The following PPWD1 variants were observed in gnomAD, a reference collection of about 807,000 sequenced individuals.
PPWD1 encodes peptidylprolyl isomerase domain and WD repeat-containing protein 1.
Under a neutral mutation model 68.8 loss-of-function variants are expected in PPWD1, and 43 were observed. The ratio of observed to expected loss-of-function variants is 0.62; its 90% confidence interval spans 0.49 to 0.81. PPWD1 has a LOEUF of 0.81. Ranked by LOEUF, PPWD1 falls within the 30% of genes least tolerant of loss-of-function variation. The probability of loss-of-function intolerance (pLI) is 0.00; values close to 1 mark genes in which losing one functional copy is unlikely to be tolerated. For synonymous variants in PPWD1, 232 were observed against 258.7 expected, an observed-to-expected ratio of 0.90 and a Z score of 0.99; for missense variants, 672 against 804.8, an observed-to-expected ratio of 0.83 and a Z score of 2.00.
At chr5:65,579,379 T>C (rs372108203) in intron 6 of PPWD1, 45 bp from the exon 7 acceptor site, 1 of 1,414,104 alleles carries the variant, frequency 7.1e-7, no homozygotes, top group African/African-American at 1.5e-5. Flanking sequence ...ATAATTGGAA[T>C]TAACTTCGGT....
Position 65,563,514 on chromosome 5 carries a change from C to G in PPWD1, c.196+8C>G. 1 of 1,607,760 alleles carries G rather than the reference C, an allele frequency of 6.2e-7. No homozygotes were observed. The highest frequency in any genetic ancestry group is 8.5e-7 in the Non-Finnish European group (1 of 1,177,156). Reference sequence around the variant, plus strand: ...TGGCCAAGAAGAGGAAAGGTAGCTGCAGACATAGTACCGGGACGAATTGGA... The same window carrying G: ...TGGCCAAGAAGAGGAAAGGTAGCTGGAGACATAGTACCGGGACGAATTGGA... On this transcript the variant is annotated splice_region_variant and intron_variant, in intron 1 of 10. Coordinates refer to ENST00000261308, the MANE Select transcript of PPWD1 (RefSeq NM_015342.4).
chr5:65,564,928 G>A (rs1229264470), intron 1 of PPWD1, among the ~76,000 whole-genome samples: 2 of 152,068 alleles, frequency 1.3e-5, no homozygotes, highest in African/African-American at 4.8e-5. Flanking sequence ...AGTCTGGACT[G>A]GATTTCTGAA....
intron 10 of PPWD1, 29 bp from the exon 11 acceptor site, chr5:65,587,224 C>A: frequency 6.4e-7 from 1 of 1,573,332 alleles, no homozygotes; most frequent in South Asian, 1.2e-5. Context: ...TGGGGTTTAC[C>A]AAGATTTTCC....
At position 65,583,091 on chromosome 5, in the gene PPWD1, T is replaced by G. The variant is rs1377316992; in HGVS notation, c.1404T>G (p.Val468=). Residue 468 remains valine, a synonymous_variant, in exon 8 of 11, where the codon GTT becomes GTG. Coordinates refer to ENST00000261308, the MANE Select transcript of PPWD1 (RefSeq NM_015342.4). Reference sequence around the variant, plus strand: ...AAAGTGCAGATTCTGATCGAGATGTTTTTAATGAGAAACCTTCTAAAGAAG... The same window carrying G: ...AAAGTGCAGATTCTGATCGAGATGTGTTTAATGAGAAACCTTCTAAAGAAG... ...DTKSADSDRD[V]FNEKPSKEEV... 1 of 1,612,634 alleles carries G rather than the reference T, an allele frequency of 6.2e-7. No individual in the cohort carries two copies. Among genetic ancestry groups the G allele is most frequent in the Admixed American group, 1.7e-5 (1 of 59,638 alleles).
In PPWD1 at chr5:65,579,487, G is replaced by A. The variant is rs1714061263; in HGVS notation, c.1224G>A (p.Gly408=). The A allele has an allele frequency of 6.2e-7, 1 of 1,607,314 alleles. No homozygotes were observed. The highest frequency in any genetic ancestry group is 1.7e-5 in the Admixed American group (1 of 58,698). The part of the protein sequence containing the change: ...IRVMQLALFQ[G]IAKKHRAATT... ...TGATGCAATTGGCTTTGTTCCAGGG[G>A]ATAGCCAAAAAGCATCGTGCTGCAA... Residue 408 remains glycine, a synonymous_variant, in exon 7 of 11, where the codon GGG becomes GGA. Transcript: ENST00000261308.
At chr5:65,579,691 C>A in intron 7 of PPWD1, 78 bp downstream of exon 7, 1 of 1,076,834 alleles carries the variant, frequency 9.3e-7, no homozygotes, top group Non-Finnish European at 1.2e-6. Flanking sequence ...GTACCTTCAA[C>A]TGAAGAGAAT....
chr5:65,569,817 A>T, intron 3 of PPWD1, 61 bp from the exon 4 acceptor site: 1 of 1,559,656 alleles, frequency 6.4e-7, no homozygotes, highest in Non-Finnish European at 8.7e-7. Context: ...TTTTCTTTGA[A>T]TCATGCACAC....
intron 4 of PPWD1, among the ~76,000 whole-genome samples, chr5:65,571,219 C>T (rs752807860): frequency 1.3e-5 from 2 of 152,166 alleles, no homozygotes; most frequent in Admixed American, 6.5e-5. Flanking sequence ...GTCACTTCTC[C>T]GAATCTCTAC....
intron 5 of PPWD1, 65 bp from the exon 6 acceptor site, chr5:65,576,814 A>G: frequency 1.3e-6 from 2 of 1,527,788 alleles, no homozygotes; most frequent in Non-Finnish European, 1.8e-6. Flanking sequence ...ATATAGATAG[A>G]TGGGTTGATA....
intron 4 of PPWD1, among the ~76,000 whole-genome samples, chr5:65,571,053 C>T (rs1217453754): frequency 6.6e-6 from 1 of 152,162 alleles, no homozygotes; most frequent in African/African-American, 2.4e-5. Flanking sequence ...ACCTGTCCTA[C>T]TCCCCAGGTT....
At chr5:65,583,261 A>C in intron 8 of PPWD1, 42 bp downstream of exon 8, 1 of 1,405,904 alleles carries the variant, frequency 7.1e-7, no homozygotes, top group Non-Finnish European at 9.4e-7. Flanking sequence ...GTAATTAAGA[A>C]TGTAAATGTG....
At chr5:65,566,645 G>A (rs764566967) in intron 1 of PPWD1, among the ~76,000 whole-genome samples, 2 of 151,990 alleles carry the variant, frequency 1.3e-5, no homozygotes, top group African/African-American at 2.4e-5. Context: ...TTTTAGGCAC[G>A]TTTGGTCATC....
At chr5:65,585,758 T>G (rs967778181) in intron 9 of PPWD1, among the ~76,000 whole-genome samples, 10 of 152,180 alleles carry the variant, frequency 6.6e-5, no homozygotes, top group African/African-American at 2.4e-4. Flanking sequence ...TTTGGGTTAT[T>G]GAGAAAGACA....
At chr5:65,579,808 A>G (rs1329441076) in intron 7 of PPWD1, among the ~76,000 whole-genome samples, 195 bp downstream of exon 7, 1 of 152,186 alleles carries the variant, frequency 6.6e-6, no homozygotes. Context: ...ACTGTTTTCC[A>G]TCATGTTTTG....
chr5:65,581,665 A>G (rs935805346), intron 7 of PPWD1, among the ~76,000 whole-genome samples: 7 of 152,368 alleles, frequency 4.6e-5, no homozygotes, highest in African/African-American at 1.7e-4. Context: ...ACTTTATTCA[A>G]AAAACTTATA....
At chr5:65,564,631 T>A (rs1204658824) in intron 1 of PPWD1, among the ~76,000 whole-genome samples, 1 of 152,136 alleles carries the variant, frequency 6.6e-6, no homozygotes, top group Non-Finnish European at 1.5e-5. Flanking sequence ...ATTATTTTCA[T>A]TAAAGCCCAA....
rs113927963 is a variant in PPWD1, at chr5:65,563,686, G to A, written c.196+180G>A. 1.9e-5 allele frequency: 26 copies of A among 1,362,296 alleles called. No homozygotes were observed. In the South Asian group the frequency reaches 2.6e-4, roughly 14 times the overall value. 84.4% of individuals were successfully genotyped at this position (1,362,296 alleles called of 1,614,324 possible). ...TTAACGAAATAGTGATTTAAGCGTAGTACAACGTCTTTTTGATAATATCTA... is the reference window on the plus strand; with the variant it reads ...TTAACGAAATAGTGATTTAAGCGTAATACAACGTCTTTTTGATAATATCTA... On this transcript the variant is annotated intron_variant, in intron 1 of 10. Transcript: ENST00000261308.
At chr5:65,569,808 T>C in intron 3 of PPWD1, 70 bp from the exon 4 acceptor site, 2 of 1,551,192 alleles carry the variant, frequency 1.3e-6, no homozygotes, top group South Asian at 2.4e-5. Context: ...TTAAATTTTT[T>C]TTCTTTGAAT....
rs2546061 is a variant in PPWD1 at position 65,578,766 on chromosome 5, A to G, written c.1161-658A>G. Among the ~76,000 whole-genome samples the G allele has an allele frequency of 4.0e-3, 270 of 67,076 alleles. 4 individuals carry two copies. The highest frequency in any genetic ancestry group is 0.018 in the African/African-American group (265 of 14,784). The allele number at this position is 67,076 out of a possible 152,430, so 44.0% of individuals were successfully genotyped here. A position where few individuals can be genotyped will look rare whatever the true frequency, so the allele number is the denominator to read the frequency against. ...TATATACACACATATATGTGTATATATATATACATATATATGTGTATATAT... is the reference window on the plus strand; with the variant it reads ...TATATACACACATATATGTGTATATGTATATACATATATATGTGTATATAT... On this transcript the variant is annotated intron_variant, in intron 6 of 10. Transcript: ENST00000261308.
Sources: gnomAD v4.1 joint callset for allele counts (sites outside exome capture counted in the v4.1 genomes callset) on GRCh38, gnomAD v4.1.1 for gene constraint, MANE v1.5 for transcripts, NCBI Gene and HGNC (gene_info 2026-07-23, HGNC 2026-07-21) for gene names.